Variants in TECRL observed in about 807,000 individuals in gnomAD.
TECRL encodes the protein trans-2,3-enoyl-CoA reductase-like.
A neutral mutation model predicts 52.8 loss-of-function variants in TECRL; 63 were observed. The observed-to-expected ratio is 1.19, with a 90% CI of 0.97 to 1.47. The LOEUF is 1.47. Ranked by LOEUF, TECRL falls within the 40% of genes most tolerant of loss-of-function variation. The pLI, the probability that TECRL is intolerant of heterozygous loss-of-function variation, is 0.00. For synonymous variants in TECRL, 164 were observed against 141.9 expected (o/e 1.16, Z -1.10); for missense variants, 482 against 429.6 (o/e 1.12, Z -1.08).
intron 4 of TECRL, among the ~76,000 whole-genome samples, chr4:64,316,981 GA>G (rs929885009): frequency 6.6e-6 from 1 of 152,078 alleles, no homozygotes; most frequent in African/African-American, 2.4e-5. Flanking sequence ...TGTACAAATT[GA>G]AAAAGGTAAT....
intron 7 of TECRL, among the ~76,000 whole-genome samples, chr4:64,302,567 G>C (rs186276711): frequency 6.8e-6 from 1 of 148,104 alleles, no homozygotes; most frequent in Admixed American, 6.9e-5. Flanking sequence ...AGATTAAACA[G>C]GTAAAGTCCA....
At chr4:64,404,359 T>C (rs1398014565) in intron 1 of TECRL, among the ~76,000 whole-genome samples, 4 of 152,024 alleles carry the variant, frequency 2.6e-5, no homozygotes, top group Non-Finnish European at 5.9e-5. Flanking sequence ...TCTTGCATGC[T>C]CTTCAATCAT....
intron 2 of TECRL, among the ~76,000 whole-genome samples, chr4:64,350,907 T>C (rs2109571898): frequency 6.6e-6 from 1 of 151,308 alleles, no homozygotes; most frequent in East Asian, 2.0e-4. Flanking sequence ...AATCAGTGAT[T>C]TTAACTAATC....
intron 2 of TECRL, among the ~76,000 whole-genome samples, chr4:64,345,760 G>A (rs184501983): frequency 1.9e-4 from 29 of 151,748 alleles, no homozygotes; most frequent in African/African-American, 7.0e-4. Context: ...TTAAGGTCCT[G>A]TTGAACCTAA....
At chr4:64,343,965 A>G (rs1284884467) in intron 2 of TECRL, among the ~76,000 whole-genome samples, 1 of 152,040 alleles carries the variant, frequency 6.6e-6, no homozygotes, top group Admixed American at 6.6e-5. Flanking sequence ...AATTTTAAAA[A>G]AAATAAATAT....
In TECRL at chr4:64,278,232, A is replaced by T. The variant is rs543507327; in HGVS notation, c.*1840T>A. 2 of 151,972 alleles carry T rather than the reference A, an allele frequency of 1.3e-5. No homozygotes were observed. The highest frequency in any genetic ancestry group is 3.9e-4 in the East Asian group (2 of 5,162). The allele number at this position is 151,972 out of a possible 1,614,324, so 9.4% of individuals were successfully genotyped here. A position where few individuals can be genotyped will look rare whatever the true frequency, so the allele number is the denominator to read the frequency against. On this transcript the variant is annotated 3_prime_UTR_variant, in exon 12 of 12. Transcript: ENST00000381210. ...TATTTTAATTGTAAATTTCAGTATG[A>T]TAACATACAATGTCTGTATTATTAA...
intron 2 of TECRL, among the ~76,000 whole-genome samples, chr4:64,371,590 T>C (rs1013808013): frequency 6.6e-5 from 10 of 151,576 alleles, no homozygotes; most frequent in Admixed American, 5.3e-4. Flanking sequence ...ATATATTTTA[T>C]TTTATTAATG....
At chr4:64,345,645 A>G (rs1347190627) in intron 2 of TECRL, among the ~76,000 whole-genome samples, 6 of 151,716 alleles carry the variant, frequency 4.0e-5, no homozygotes, top group Admixed American at 3.9e-4. Flanking sequence ...GCACATGTAT[A>G]CATATGTAAC....
At chr4:64,283,363 TG>T (rs1469828246) in intron 9 of TECRL, among the ~76,000 whole-genome samples, 3 of 152,022 alleles carry the variant, frequency 2.0e-5, no homozygotes, top group African/African-American at 7.2e-5. Context: ...AAGCAGATGT[TG>T]GAATGGCATT....
At chr4:64,281,337 T>C in intron 10 of TECRL, 137 bp downstream of exon 10, 1 of 610,110 alleles carries the variant, frequency 1.6e-6, no homozygotes, top group Non-Finnish European at 2.8e-6. Flanking sequence ...TGTTCTATTT[T>C]GTTATACCAT....
chr4:64,358,762 G>A (rs539685409), intron 2 of TECRL, among the ~76,000 whole-genome samples: 1 of 151,822 alleles, frequency 6.6e-6, no homozygotes, highest in East Asian at 1.9e-4. Flanking sequence ...ATGAGGCATT[G>A]ACGCAATATT....
In TECRL at chr4:64,409,379, T is replaced by C; in HGVS notation, c.-28A>G. On this transcript the variant is annotated 5_prime_UTR_variant, in exon 1 of 12. It removes an upstream start codon present in the reference 5' UTR. Coordinates refer to ENST00000381210, the MANE Select transcript of TECRL (RefSeq NM_001010874.5). Reference sequence around the variant, plus strand: ...TGTGAACTAAGAGGAGGGTCTGTCATGTCAAAAGTAGAAAATTGCAAGTGT... The same window carrying C: ...TGTGAACTAAGAGGAGGGTCTGTCACGTCAAAAGTAGAAAATTGCAAGTGT... The C allele has an allele frequency of 6.2e-7, 1 of 1,601,242 alleles. No individual in the cohort carries two copies. Among genetic ancestry groups the C allele is most frequent in the Non-Finnish European group, 8.5e-7 (1 of 1,172,658 alleles).
chr4:64,356,720 C>CCA (rs10654817), intron 2 of TECRL, among the ~76,000 whole-genome samples: 3 of 151,792 alleles, frequency 2.0e-5, no homozygotes, highest in South Asian at 2.1e-4. Context: ...GAGACCAATG[C>CCA]GTTAGCAGGT....
chr4:64,400,220 T>C (rs1453277890), intron 1 of TECRL, among the ~76,000 whole-genome samples: 8 of 152,212 alleles, frequency 5.3e-5, no homozygotes, highest in African/African-American at 1.9e-4. Flanking sequence ...ATTGTTCTAC[T>C]AGGTTTTGGA....
intron 2 of TECRL, among the ~76,000 whole-genome samples, chr4:64,334,492 T>C (rs1718903406): frequency 6.6e-6 from 1 of 152,148 alleles, no homozygotes; most frequent in Non-Finnish European, 1.5e-5. Flanking sequence ...ATGAGAAAAC[T>C]ATTTCCGCTC....
chr4:64,335,548 C>A (rs1346266026), intron 2 of TECRL, among the ~76,000 whole-genome samples: 1 of 152,204 alleles, frequency 6.6e-6, no homozygotes, highest in Non-Finnish European at 1.5e-5. Flanking sequence ...CCACTCCCTA[C>A]ATCCCCTGTG....
chr4:64,328,552 T>C lies in TECRL; in HGVS notation c.291A>G (p.Pro97=), dbSNP rs752722866. Residue 97 remains proline (P), a synonymous_variant, in exon 3 of 12, where the codon CCA becomes CCG. Transcript: ENST00000381210. ...DVKQKFHKAC[P]KWYPSRVGLQ... ...GACCAACTCGAGAAGGGTACCACTT[T>C]GGACCTATTCAATGAAAAATAACAT... 1.1e-5 allele frequency: 17 copies of C among 1,610,530 alleles called. No individual in the cohort carries two copies. The highest frequency in any genetic ancestry group is 1.4e-5 in the Non-Finnish European group (16 of 1,177,876).
intron 9 of TECRL, among the ~76,000 whole-genome samples, chr4:64,283,665 C>T (rs1282102159): frequency 6.6e-6 from 1 of 151,950 alleles, no homozygotes; most frequent in Admixed American, 6.6e-5. Context: ...TCGAAGAGGG[C>T]AGAAAAAGCT....
intron 8 of TECRL, among the ~76,000 whole-genome samples, chr4:64,293,162 A>G (rs1251871232): frequency 6.6e-6 from 1 of 152,136 alleles, no homozygotes; most frequent in East Asian, 1.9e-4. Context: ...TAAATTGTCA[A>G]CTAATACGAT....
Sources: allele counts gnomAD v4.1 joint callset (sites outside exome capture counted in the v4.1 genomes callset), GRCh38; gene constraint gnomAD v4.1.1; transcripts MANE v1.5; gene names NCBI Gene and HGNC (gene_info 2026-07-23, HGNC 2026-07-21).